The following ADARB2 variants were observed in gnomAD, a reference collection of about 807,000 sequenced individuals.
ADARB2 encodes the protein inactive double-stranded RNA-specific editase B2.
In ADARB2, 25 loss-of-function variants were observed where a neutral mutation model predicts 62.2. That is an observed-to-expected ratio of 0.40 (90% CI 0.29 to 0.56). The LOEUF (loss-of-function observed/expected upper bound fraction) is 0.56. Among genes scored for constraint, ADARB2 ranks in the 20% least tolerant of loss-of-function variants. The probability of loss-of-function intolerance (pLI) is 0.43; values close to 1 mark genes in which losing one functional copy is unlikely to be tolerated. For missense variants in ADARB2, 1,071 were observed against 1,077.4 expected (o/e 0.99, Z 0.08); for synonymous variants, 572 against 500.8 (o/e 1.14, Z -1.90).
At position 1,397,574 on chromosome 10, in the gene ADARB2, C is replaced by G. The variant is rs372347321; in HGVS notation, c.101-18414G>C. On this transcript the variant is annotated intron_variant, in intron 1 of 9. Coordinates refer to ENST00000381312, the MANE Select transcript of ADARB2 (RefSeq NM_018702.4). ...CCGTCCGTCTCTCCCCTCCCGAGCGCAGGCTTCCTGGGTCACCATCAGCCT... is the reference window on the plus strand; with the variant it reads ...CCGTCCGTCTCTCCCCTCCCGAGCGGAGGCTTCCTGGGTCACCATCAGCCT... Among the ~76,000 whole-genome samples, 562 of 12,916 alleles carry G rather than the reference C, an allele frequency of 0.044. 77 individuals carry two copies. The East Asian group carries it at 0.64, about 15-fold the overall frequency. 8.5% of individuals were successfully genotyped at this position (12,916 alleles called of 152,430 possible).
intron 1 of ADARB2, among the ~76,000 whole-genome samples, chr10:1,569,836 A>G (rs1199318038): frequency 2.6e-5 from 4 of 152,224 alleles, no homozygotes; most frequent in African/African-American, 9.6e-5. Flanking sequence ...ATGACGTCCT[A>G]AAAGAATGGC....
chr10:1,557,113 T>A (rs1008424084), intron 1 of ADARB2: 1 of 342,098 alleles, frequency 2.9e-6, no homozygotes, highest in African/African-American at 2.2e-5. Flanking sequence ...ATTGCCTCAG[T>A]TTCAGGTGTC....
At chr10:1,195,088 G>A (rs950003056) in intron 8 of ADARB2, among the ~76,000 whole-genome samples, 4 of 152,132 alleles carry the variant, frequency 2.6e-5, no homozygotes, top group Admixed American at 1.3e-4. Flanking sequence ...AGGCCGACCC[G>A]CCCCCTTAGC....
At chr10:1,589,464 G>T (rs1241078690) in intron 1 of ADARB2, among the ~76,000 whole-genome samples, 1 of 151,222 alleles carries the variant, frequency 6.6e-6, no homozygotes, top group Non-Finnish European at 1.5e-5. Flanking sequence ...GTCCATGGTT[G>T]GGGTGTCCAC....
At chr10:1,312,438 T>C (rs1004501763) in intron 3 of ADARB2, among the ~76,000 whole-genome samples, 3 of 152,242 alleles carry the variant, frequency 2.0e-5, no homozygotes, top group Non-Finnish European at 4.4e-5. Context: ...TTCTCTTCAC[T>C]TCATCACATT....
intron 1 of ADARB2, among the ~76,000 whole-genome samples, chr10:1,540,360 C>G (rs1467830903): frequency 6.6e-6 from 1 of 152,144 alleles, no homozygotes; most frequent in Non-Finnish European, 1.5e-5. Context: ...CCCCGCCCTC[C>G]TGGTCTGGCT....
rs1833484001 is a variant in ADARB2 at position 1,605,500 on chromosome 10, T to A, written c.100+131551A>T. Among the ~76,000 whole-genome samples, 3 of 152,218 alleles carry A rather than the reference T, an allele frequency of 2.0e-5. No individual in the cohort carries two copies. The South Asian group carries it at 6.2e-4, about 31-fold the overall frequency. Reference sequence around the variant, plus strand: ...CCTGGATTTAGGATTCAGTAAAAAGTCCAGGGTGACCATTTCCTACTGCAC... The same window carrying A: ...CCTGGATTTAGGATTCAGTAAAAAGACCAGGGTGACCATTTCCTACTGCAC... On this transcript the variant is annotated intron_variant, in intron 1 of 9. Transcript: ENST00000381312.
At chr10:1,274,269 G>A (rs1831292664) in intron 3 of ADARB2, among the ~76,000 whole-genome samples, 1 of 152,252 alleles carries the variant, frequency 6.6e-6, no homozygotes, top group Admixed American at 6.5e-5. Context: ...CAGCCTGGGG[G>A]CCACATCTGT....
chr10:1,373,391 C>A (rs1357859942), intron 2 of ADARB2, among the ~76,000 whole-genome samples: 1 of 152,116 alleles, frequency 6.6e-6, no homozygotes, highest in Non-Finnish European at 1.5e-5. Flanking sequence ...CTCACTCAGA[C>A]TGGAAACTGA....
intron 1 of ADARB2, among the ~76,000 whole-genome samples, chr10:1,594,329 C>G (rs544763978): frequency 6.6e-6 from 1 of 152,194 alleles, no homozygotes; most frequent in East Asian, 1.9e-4. Flanking sequence ...ACAACAACAA[C>G]AAAAACCACG....
At position 1,194,550 on chromosome 10, in the gene ADARB2, A is replaced by T. The variant is rs753223329; in HGVS notation, c.1864+5416T>A. 5.6e-5 allele frequency among the ~76,000 whole-genome samples: 8 copies of T among 142,402 alleles called. No homozygotes were observed. In the South Asian group the frequency reaches 9.3e-4, roughly 17 times the overall value. 93.4% of individuals were successfully genotyped at this position (142,402 alleles called of 152,430 possible). On this transcript the variant is annotated intron_variant, in intron 8 of 9. Transcript: ENST00000381312. ...TAATCTATCTATCTGTCTGTCTGTC[A>T]GTCTATCATCTATCTATTCATCCAT...
chr10:1,392,379 G>T (rs575815026), intron 1 of ADARB2, among the ~76,000 whole-genome samples: 1 of 152,118 alleles, frequency 6.6e-6, no homozygotes, highest in African/African-American at 2.4e-5. Flanking sequence ...GCCAAAACAC[G>T]CTCTGACAGA....
intron 1 of ADARB2, among the ~76,000 whole-genome samples, chr10:1,628,730 G>C (rs1833803334): frequency 6.6e-6 from 1 of 152,190 alleles, no homozygotes; most frequent in Non-Finnish European, 1.5e-5. Context: ...TCTTTTCAGC[G>C]AACTGGGAGA....
At chr10:1,352,372 C>G (rs1260260857) in intron 3 of ADARB2, among the ~76,000 whole-genome samples, 1 of 152,140 alleles carries the variant, frequency 6.6e-6, no homozygotes, top group African/African-American at 2.4e-5. Context: ...ATCCTAAATC[C>G]TTTCCCCACT....
Position 1,208,503 on chromosome 10 carries a change from C to T in ADARB2, c.1683-8356G>A, listed in dbSNP as rs145304424. ...AGGCAGCCGGGCCCCATGCTGGGCT[C>T]TGTCCCTGCCTCCCATTCTCTCACC... On this transcript the variant is annotated intron_variant, in intron 7 of 9. Transcript: ENST00000381312. Among the ~76,000 whole-genome samples, 3 of 152,336 alleles carry T rather than the reference C, an allele frequency of 2.0e-5. No individual in the cohort carries two copies. The East Asian group carries it at 5.8e-4, about 29-fold the overall frequency.
At chr10:1,625,343 G>A (rs1833753839) in intron 1 of ADARB2, among the ~76,000 whole-genome samples, 3 of 152,232 alleles carry the variant, frequency 2.0e-5, no homozygotes, top group Admixed American at 6.5e-5. Flanking sequence ...GACAGTCGAC[G>A]TGGGTTGCAA....
At chr10:1,195,040 G>A (rs1365623253) in intron 8 of ADARB2, among the ~76,000 whole-genome samples, 1 of 152,144 alleles carries the variant, frequency 6.6e-6, no homozygotes, top group Non-Finnish European at 1.5e-5. Context: ...ACACTGTAAG[G>A]GGCTGTTTGC....
intron 1 of ADARB2, among the ~76,000 whole-genome samples, chr10:1,591,659 G>GCGCACACA (rs1491460539): frequency 9.8e-5 from 12 of 122,786 alleles, no homozygotes; most frequent in East Asian, 2.5e-4. Context: ...AGGCGTGCAC[G>GCGCACACA]CACACACACA....
chr10:1,347,085 G>A (rs1388446798), intron 3 of ADARB2, among the ~76,000 whole-genome samples: 1 of 152,208 alleles, frequency 6.6e-6, no homozygotes, highest in African/African-American at 2.4e-5. Flanking sequence ...TTCAAGATGA[G>A]GAAGTGCAGG....
Sources: allele counts gnomAD v4.1 joint callset (sites outside exome capture counted in the v4.1 genomes callset), GRCh38; gene constraint gnomAD v4.1.1; transcripts MANE v1.5; gene names NCBI Gene and HGNC (gene_info 2026-07-23, HGNC 2026-07-21).